The following FAM149A variants were observed in gnomAD, a reference collection of about 807,000 sequenced individuals.
FAM149A encodes the protein protein FAM149A.
FAM149A carries 71 observed loss-of-function variants against 78.2 expected under a neutral mutation model. The ratio of observed to expected loss-of-function variants is 0.91; its 90% CI spans 0.75 to 1.11. The LOEUF is 1.11. Among genes scored for constraint, FAM149A ranks in the 50% least tolerant of loss-of-function variants. The probability of loss-of-function intolerance (pLI) is 0.00; values close to 1 mark genes in which losing one functional copy is unlikely to be tolerated. For synonymous variants in FAM149A, 446 were observed against 410.5 expected (o/e 1.09, Z -1.04); for missense variants, 1,036 against 971.0 (o/e 1.07, Z -0.89).
At chr4:186,160,928 C>T in intron 8 of FAM149A, 1 of 954,386 alleles carries the variant, frequency 1.0e-6, no homozygotes, top group Middle Eastern at 5.4e-4. Flanking sequence ...TTTCTCAAAA[C>T]CTCAATTTCC....
intron 1 of FAM149A, chr4:186,117,543 C>T: frequency 1.0e-6 from 1 of 985,410 alleles, no homozygotes. Context: ...ACATGGACAC[C>T]TGGGGCTTGG....
At chr4:186,169,860 C>G in intron 13 of FAM149A, 1 of 985,394 alleles carries the variant, frequency 1.0e-6, no homozygotes, top group Middle Eastern at 5.2e-4. Context: ...AACTACTGAC[C>G]CAAGACAAAA....
At chr4:186,129,678 C>T (rs1448872798) in intron 1 of FAM149A, among the ~76,000 whole-genome samples, 3 of 152,170 alleles carry the variant, frequency 2.0e-5, no homozygotes, top group Non-Finnish European at 2.9e-5. Context: ...TGACCTGGGA[C>T]TGAGAGAGCC....
At chr4:186,131,592 CAATGGTCTTTTCAATA>C (rs1156536102) in intron 1 of FAM149A, among the ~76,000 whole-genome samples, 2 of 152,194 alleles carry the variant, frequency 1.3e-5, no homozygotes, top group East Asian at 3.9e-4. Flanking sequence ...CTGAATGAGG[CAATGGTCTTTTCAATA>C]AATAGTGCGG....
intron 1 of FAM149A, among the ~76,000 whole-genome samples, chr4:186,138,125 A>G (rs996933511): frequency 2.0e-5 from 3 of 152,230 alleles, no homozygotes; most frequent in Admixed American, 6.5e-5. Context: ...ATGTGTCACA[A>G]CTAATGAACC....
At chr4:186,109,080 C>T (rs2099310113) in intron 1 of FAM149A, 3 of 409,906 alleles carry the variant, frequency 7.3e-6, no homozygotes, top group Non-Finnish European at 9.9e-6. Context: ...ATCTCCTGAC[C>T]TTGTAATTTG....
chr4:186,124,498 G>T (rs1300886735), intron 1 of FAM149A, among the ~76,000 whole-genome samples: 4 of 150,156 alleles, frequency 2.7e-5, no homozygotes, highest in African/African-American at 9.8e-5. Context: ...CCACCTATGA[G>T]TGAGAACATG....
rs1272478924 is a variant in FAM149A, at chr4:186,105,068, T to C, written c.-9T>C. ...GCGGCGGCGAGGACGGCGTGTCCAC[T>C]GTCGAGGCATGAAGGCTGCTGTGCT... On this transcript the variant is annotated 5_prime_UTR_variant, in exon 1 of 14. Coordinates refer to ENST00000389354, the MANE Select transcript of FAM149A (RefSeq NM_001367768.3). 1.6e-6 allele frequency: 2 copies of C among 1,268,808 alleles called. No homozygotes were observed. The highest frequency in any genetic ancestry group is 1.6e-5 in the African/African-American group (1 of 62,478). 78.6% of individuals were successfully genotyped at this position (1,268,808 alleles called of 1,614,324 possible).
rs1208542834 is a variant in FAM149A, at chr4:186,144,879, C to A, written c.567-4294C>A. On this transcript the variant is annotated intron_variant, in intron 1 of 13. Coordinates refer to ENST00000389354, the MANE Select transcript of FAM149A (RefSeq NM_001367768.3). This position sits in a 1 kb window ranked among gnomAD's most constrained non-coding sequence, Gnocchi z 4.2. ...AGAGGGAAGGGGCGTGCGAGCCCCG[C>A]GGACCCCGGGCGCGCCCGGGCCGCC... is the stretch of plus-strand genomic sequence containing the variant. 1 of 971,894 alleles carries A rather than the reference C, an allele frequency of 1.0e-6. No homozygotes were observed. Among genetic ancestry groups the A allele is most frequent in the Non-Finnish European group, 1.2e-6 (1 of 824,664 alleles). 60.2% of individuals were successfully genotyped at this position (971,894 alleles called of 1,614,324 possible). A position where few individuals can be genotyped will look rare whatever the true frequency, so the allele number is the denominator to read the frequency against.
chr4:186,151,491 A>G (rs539664239), intron 3 of FAM149A, among the ~76,000 whole-genome samples: 1 of 152,284 alleles, frequency 6.6e-6, no homozygotes, highest in East Asian at 1.9e-4. Flanking sequence ...AGAAAAAAAA[A>G]TCTTGTATTT....
At position 186,151,891 on chromosome 4, in the gene FAM149A, A is replaced by C. The variant is rs1733614538; in HGVS notation, c.790-12A>C. ...CTTGCAGTGTTGTAACCAAGTGTGC[A>C]TTTCTGTTTAGGAATTTGACGAAGC... is the stretch of plus-strand genomic sequence containing the variant. On this transcript the variant is annotated splice_polypyrimidine_tract_variant and intron_variant, in intron 3 of 13. Transcript: ENST00000389354. 6.2e-7 allele frequency: 1 copy of C among 1,613,622 alleles called. No individual in the cohort carries two copies. Among genetic ancestry groups the C allele is most frequent in the Non-Finnish European group, 8.5e-7 (1 of 1,179,706 alleles).
At chr4:186,107,483 A>G (rs1191523699) in intron 1 of FAM149A, 1 of 152,170 alleles carries the variant, frequency 6.6e-6, no homozygotes, top group African/African-American at 2.4e-5. Flanking sequence ...CAGTGGTATG[A>G]TCACTGTTCA....
intron 1 of FAM149A, among the ~76,000 whole-genome samples, chr4:186,136,450 T>C (rs994290551): frequency 6.6e-6 from 1 of 152,228 alleles, no homozygotes; most frequent in African/African-American, 2.4e-5. Flanking sequence ...GACAATTTCA[T>C]ATGATTCTGC....
At chr4:186,167,511 CAAAA>C (rs55700071) in intron 13 of FAM149A, 16,745 of 274,672 alleles carry the variant, frequency 0.061, 13 homozygotes, top group South Asian at 0.091. Context: ...GGGCCTCACT[CAAAA>C]AAAAAAAAAA....
rs2099308107 is a variant in FAM149A at position 186,104,784 on chromosome 4, C to T, written c.-293C>T. 1.4e-5 allele frequency among the ~76,000 whole-genome samples: 2 copies of T among 144,850 alleles called. No individual in the cohort carries two copies. Among genetic ancestry groups the T allele is most frequent in the South Asian group, 2.2e-4 (1 of 4,644 alleles). ...GGCGGCGGGCGTCTGGGGCGGGCGG[C>T]GGCCGCGCTTCCCGGGGCTCCTGGC... On this transcript the variant is annotated 5_prime_UTR_variant, in exon 1 of 14. Coordinates refer to ENST00000389354, the MANE Select transcript of FAM149A (RefSeq NM_001367768.3).
intron 1 of FAM149A, among the ~76,000 whole-genome samples, chr4:186,111,497 T>A (rs2099311274): frequency 6.6e-6 from 1 of 152,128 alleles, no homozygotes; most frequent in South Asian, 2.1e-4. Context: ...TGGTAATACC[T>A]AGGTTTTCTT....
rs1735626358 is a variant in FAM149A at position 186,173,193 on chromosome 4, T to C, written c.*1206T>C. On this transcript the variant is annotated 3_prime_UTR_variant, in exon 14 of 14. Transcript: ENST00000389354. ...ATTACTTTCAGACTATTTCTGGCTG[T>C]AAGGAGAAGGGATCATTGCCTACTA... Among the ~76,000 whole-genome samples the C allele has an allele frequency of 2.7e-5, 3 of 112,188 alleles. 1 individual carries two copies. Among genetic ancestry groups the C allele is most frequent in the African/African-American group, 8.4e-5 (3 of 35,696 alleles). 73.6% of individuals were successfully genotyped at this position (112,188 alleles called of 152,430 possible). A position where few individuals can be genotyped will look rare whatever the true frequency, so the allele number is the denominator to read the frequency against.
In FAM149A at chr4:186,154,490, A is replaced by C; in HGVS notation, c.1081A>C (p.Ile361Leu). ...TAGGTTGTGCATTTCTGGCTCTCAA[A>C]TAGTCCCAGCAGCACTCTCAGCCTC... The change falls in exon 6 of 14, where the codon ATA (isoleucine) becomes CTA (leucine). Residue 361 changes from isoleucine to leucine, a missense_variant. Transcript: ENST00000389354. 6.2e-7 allele frequency: 1 copy of C among 1,612,266 alleles called. No homozygotes were observed. Among genetic ancestry groups the C allele is most frequent in the Admixed American group, 1.7e-5 (1 of 59,680 alleles).
At chr4:186,143,722 G>C (rs540079382) in intron 1 of FAM149A, among the ~76,000 whole-genome samples, 1 of 151,398 alleles carries the variant, frequency 6.6e-6, no homozygotes, top group Non-Finnish European at 1.5e-5. Flanking sequence ...TAGAGACTGG[G>C]GTTTCACCAT....
Sources: gnomAD v4.1 joint callset for allele counts (sites outside exome capture counted in the v4.1 genomes callset) on GRCh38, gnomAD v4.1.1 for gene constraint, Gnocchi (gnomAD v3.1) non-coding constraint, MANE v1.5 for transcripts, NCBI Gene and HGNC (gene_info 2026-07-23, HGNC 2026-07-21) for gene names.